EOLA2: variants seen among roughly 807,000 people sequenced by gnomAD.
EOLA2 encodes the protein endothelium and lymphocyte associated ASCH domain 2.
In EOLA2, 3 loss-of-function variants were observed where a neutral mutation model predicts 4.1. The ratio of observed to expected loss-of-function variants is 0.73; its 90% CI spans 0.33 to 1.89. The LOEUF is 1.89. Ranked by LOEUF, EOLA2 falls within the 40% of genes most tolerant of loss-of-function variation. EOLA2 has a pLI of 0.08. For missense variants in EOLA2, 109 were observed against 126.4 expected (o/e 0.86, Z 0.66); for synonymous variants, 52 against 51.7 (o/e 1.01, Z -0.03).
intron 1 of EOLA2, among the ~76,000 whole-genome samples, chrX:149,937,932 G>A (rs1432017021): frequency 4.4e-5 from 5 of 112,828 alleles, no homozygotes; most frequent in Admixed American, 3.7e-4. Flanking sequence ...TACAGCACAG[G>A]GGCCAAGCGG....
rs782471560 is a variant in EOLA2, at chrX:149,938,426, T to C, written c.-444A>G. ...GAAACCGGTGGCCAGTGACAGATGC[T>C]AGCGGTCCATAACTTCGGCTTTCAT... is the stretch of plus-strand genomic sequence containing the variant. On this transcript the variant is annotated 5_prime_UTR_variant, in exon 1 of 5. The change abolishes the stop of an existing upstream ORF in the 5' untranslated region. Transcript: ENST00000370406. The C allele has an allele frequency of 8.9e-6, 1 of 112,959 alleles. No individual in the cohort carries two copies. The highest frequency in any genetic ancestry group is 9.2e-5 in the Admixed American group (1 of 10,819). The allele number at this position is 112,959 out of a possible 1,213,427, so 9.3% of individuals were successfully genotyped here. A position where few individuals can be genotyped will look rare whatever the true frequency, so the allele number is the denominator to read the frequency against.
rs1278419747 is a variant in EOLA2 at position 149,938,345 on chromosome X, G to A, written c.-363C>T. On this transcript the variant is annotated 5_prime_UTR_variant, in exon 1 of 5. Coordinates refer to ENST00000370406, the MANE Select transcript of EOLA2 (RefSeq NM_001013845.2). ...AGCGAGGAGACGTGGGCCGCGGTGA[G>A]AAGAGAGAGCACCCGGCTCGTGTCA... 8.8e-6 allele frequency: 1 copy of A among 113,009 alleles called. No homozygotes were observed. Among genetic ancestry groups the A allele is most frequent in the African/African-American group, 3.2e-5 (1 of 31,121 alleles). The allele number at this position is 113,009 out of a possible 1,213,427, so 9.3% of individuals were successfully genotyped here. A position where few individuals can be genotyped will look rare whatever the true frequency, so the allele number is the denominator to read the frequency against.
chrX:149,931,451 G>A (rs1557374245), downstream of EOLA2, among the ~76,000 whole-genome samples: 1 of 108,222 alleles, frequency 9.2e-6, no homozygotes, highest in African/African-American at 3.4e-5. Flanking sequence ...TTGCTAGGAA[G>A]TGTCGAGGCC....
chrX:149,934,162 G>A, intron 2 of EOLA2, 25 bp from the exon 3 acceptor site: 1 of 1,019,588 alleles, frequency 9.8e-7, no homozygotes, highest in Admixed American at 4.2e-5. Context: ...AGGCAGGATA[G>A]CATGTGGTCA....
At chrX:149,937,710 A>G (rs1228100947) in intron 1 of EOLA2, among the ~76,000 whole-genome samples, 2 of 112,595 alleles carry the variant, frequency 1.8e-5, no homozygotes, top group Non-Finnish European at 3.8e-5. Flanking sequence ...CGCAGAGCAG[A>G]AAATCATTTC....
At chrX:149,930,222 G>A (rs782342604), downstream of EOLA2, 292 of 1,092,920 alleles carry the variant, frequency 2.7e-4, 1 homozygote, top group African/African-American at 5.1e-3. Flanking sequence ...AAGAGCTTAA[G>A]TGTCAAAGAT....
At chrX:149,931,547 T>C (rs782719614), downstream of EOLA2, among the ~76,000 whole-genome samples, 23 of 98,453 alleles carry the variant, frequency 2.3e-4, 1 homozygote, top group East Asian at 6.9e-3. Flanking sequence ...TCTTCCTGTA[T>C]CTTCAAACAG....
intron 2 of EOLA2, chrX:149,934,589 T>C: frequency 1.3e-6 from 1 of 753,580 alleles, no homozygotes; most frequent in Non-Finnish European, 1.6e-6. Flanking sequence ...AAAAGAAGAA[T>C]GATAATCAGA....
chrX:149,931,897 T>C (rs1189754744), downstream of EOLA2, among the ~76,000 whole-genome samples: 2 of 98,985 alleles, frequency 2.0e-5, no homozygotes, highest in Admixed American at 2.2e-4. Context: ...AGCTGTATTT[T>C]GGATGTATTG....
At chrX:149,935,665 T>C (rs188067039) in intron 2 of EOLA2, among the ~76,000 whole-genome samples, 3,072 of 95,200 alleles carry the variant, frequency 0.032, 127 homozygotes, top group African/African-American at 0.078. Flanking sequence ...GGGACCCCCA[T>C]GTTGCTCACC....
At chrX:149,935,840 G>A (rs2090983075) in intron 2 of EOLA2, among the ~76,000 whole-genome samples, 1 of 108,153 alleles carries the variant, frequency 9.2e-6, no homozygotes, top group Non-Finnish European at 1.9e-5. Flanking sequence ...AGACCTAGCT[G>A]CTCTCTGCCC....
In EOLA2 at chrX:149,936,006, AC is replaced by A. The variant is rs781814868; in HGVS notation, c.-163+1426del. ...GAAGAAGTCTCCTGATAGCACCCCC[AC>A]CCCCCCCCAGCACTTGTCCTCTGCA... On this transcript the variant is annotated intron_variant, in intron 2 of 4. Transcript: ENST00000370406. Among the ~76,000 whole-genome samples, 387 of 38,824 alleles carry A rather than the reference AC, an allele frequency of 1.0e-2. 1 individual carries two copies. The highest frequency in any genetic ancestry group is 0.036 in the African/African-American group (359 of 9,934). 33.7% of individuals were successfully genotyped at this position (38,824 alleles called of 115,157 possible).
chrX:149,931,208 C>T (rs782230143), downstream of EOLA2: 138 of 852,781 alleles, frequency 1.6e-4, no homozygotes, highest in Non-Finnish European at 1.9e-4. Flanking sequence ...TTGCCATTTT[C>T]TAATGAGAAA....
chrX:149,931,212 T>A (rs1184656036), downstream of EOLA2: 28 of 825,878 alleles, frequency 3.4e-5, no homozygotes, highest in African/African-American at 4.3e-5. Flanking sequence ...CATTTTCTAA[T>A]GAGAAACACA....
chrX:149,938,346 AAG>A lies in EOLA2; in HGVS notation c.-366_-365del, dbSNP rs1196699114. ...GCGAGGAGACGTGGGCCGCGGTGAGAAGAGAGAGCACCCGGCTCGTGTCAGGG... is the reference window on the plus strand; with the variant it reads ...GCGAGGAGACGTGGGCCGCGGTGAGAAGAGAGCACCCGGCTCGTGTCAGGG... On this transcript the variant is annotated 5_prime_UTR_variant, in exon 1 of 5. Coordinates refer to ENST00000370406, the MANE Select transcript of EOLA2 (RefSeq NM_001013845.2). 1 of 112,673 alleles carries A rather than the reference AAG, an allele frequency of 8.9e-6. No homozygotes were observed. Among genetic ancestry groups the A allele is most frequent in the African/African-American group, 3.2e-5 (1 of 31,008 alleles). 9.3% of individuals were successfully genotyped at this position (112,673 alleles called of 1,213,427 possible). A position where few individuals can be genotyped will look rare whatever the true frequency, so the allele number is the denominator to read the frequency against.
At position 149,934,007 on chromosome X, in the gene EOLA2, T is replaced by A. The variant is rs2090934536; in HGVS notation, c.-32A>T. On this transcript the variant is annotated splice_region_variant and 5_prime_UTR_variant, in exon 3 of 5. Transcript: ENST00000370406. Reference sequence around the variant, plus strand: ...CAGGTGGCCTAAATCGCACTGACCTTGATGGTCTGCTGCTTCCGTCTGTCA... The same window carrying A: ...CAGGTGGCCTAAATCGCACTGACCTAGATGGTCTGCTGCTTCCGTCTGTCA... 8.9e-6 allele frequency: 10 copies of A among 1,120,665 alleles called. 1 individual carries two copies. The East Asian group carries it at 1.3e-4, about 14-fold the overall frequency. 92.4% of individuals were successfully genotyped at this position (1,120,665 alleles called of 1,213,427 possible). A position where few individuals can be genotyped will look rare whatever the true frequency, so the allele number is the denominator to read the frequency against.
chrX:149,931,708 C>T (rs1354725982), downstream of EOLA2, among the ~76,000 whole-genome samples: 1 of 77,190 alleles, frequency 1.3e-5, no homozygotes, highest in East Asian at 4.1e-4. Flanking sequence ...ACCACCATAA[C>T]ATCCTGGCTC....
chrX:149,937,109 G>A (rs1176221258), intron 2 of EOLA2, among the ~76,000 whole-genome samples: 1 of 109,166 alleles, frequency 9.2e-6, no homozygotes, highest in Non-Finnish European at 1.9e-5. Context: ...ACCCATCCAT[G>A]GTGCCATTTC....
At chrX:149,936,103 A>G (rs1490340887) in intron 2 of EOLA2, among the ~76,000 whole-genome samples, 2 of 104,594 alleles carry the variant, frequency 1.9e-5, no homozygotes, top group African/African-American at 7.0e-5. Flanking sequence ...TCCTCTACTG[A>G]AACCTTTCAA....
Sources: allele counts gnomAD v4.1 joint callset (sites outside exome capture counted in the v4.1 genomes callset), GRCh38; gene constraint gnomAD v4.1.1; transcripts MANE v1.5; gene names NCBI Gene and HGNC (gene_info 2026-07-23, HGNC 2026-07-21).